The following AIFM3 variants were observed in gnomAD, a reference collection of about 807,000 sequenced individuals.
AIFM3 encodes the protein AIF family member 3.
AIFM3 carries 71 observed loss-of-function variants against 82.7 expected under a neutral mutation model. The ratio of observed to expected loss-of-function variants is 0.86; its 90% CI spans 0.71 to 1.05. The LOEUF is 1.05. AIFM3 is among the 50% of genes least tolerant of loss of function. AIFM3 has a pLI of 0.00. For missense variants in AIFM3, 748 were observed against 816.7 expected, an observed-to-expected ratio of 0.92 and a Z score of 1.03; for synonymous variants, 337 against 329.1, an observed-to-expected ratio of 1.02 and a Z score of -0.26.
rs1923402137 is a variant in AIFM3, at chr22:20,973,437, C to T, written c.162C>T (p.Arg54=). Reference sequence around the variant, plus strand: ...CCCGCCACTTCCACACGGAGGAGCGCCTGTCCACCCCTCACCCCTACCCCA... The same window carrying T: ...CCCGCCACTTCCACACGGAGGAGCGTCTGTCCACCCCTCACCCCTACCCCA... The part of the protein sequence containing the change: ...GTARHFHTEE[R]LSTPHPYPSP... The change falls in exon 3 of 21, where the codon CGC becomes CGT. Residue 54 remains arginine, a synonymous_variant. Transcript: ENST00000440238. 1 of 1,613,226 alleles carries T rather than the reference C, an allele frequency of 6.2e-7. No homozygotes were observed. The highest frequency in any genetic ancestry group is 8.5e-7 in the Non-Finnish European group (1 of 1,179,994).
In AIFM3 at chr22:20,973,436, G is replaced by A. The variant is rs771256400; in HGVS notation, c.161G>A (p.Arg54His). The change falls in exon 3 of 21, where the codon CGC (arginine) becomes CAC (histidine). Residue 54 changes from arginine (R) to histidine (H), a missense_variant. Arg to His is a conservative substitution (Grantham distance 29). Transcript: ENST00000440238. ...GCCCGCCACTTCCACACGGAGGAGC[G>A]CCTGTCCACCCCTCACCCCTACCCC... ...GTARHFHTEE[R>H]LSTPHPYPSP... The A allele has an allele frequency of 1.9e-6, 3 of 1,613,160 alleles. No homozygotes were observed. Among genetic ancestry groups the A allele is most frequent in the Middle Eastern group, 1.7e-4 (1 of 5,958 alleles).
intron 14 of AIFM3, chr22:20,977,382 A>G (rs888618483): frequency 3.8e-5 from 23 of 602,654 alleles, no homozygotes; most frequent in Non-Finnish European, 6.5e-5. Flanking sequence ...CTTCTGCTCC[A>G]GCTGAAGTGC....
intron 8 of AIFM3, among the ~76,000 whole-genome samples, chr22:20,975,406 C>T (rs527614777): frequency 2.2e-4 from 33 of 150,540 alleles, no homozygotes; most frequent in Non-Finnish European, 3.8e-4. Context: ...GCTAGGACTA[C>T]AGGCGCGCAC....
chr22:20,973,643 C>T, intron 3 of AIFM3, 115 bp from the exon 4 acceptor site: 2 of 1,396,058 alleles, frequency 1.4e-6, no homozygotes, highest in Non-Finnish European at 1.9e-6. Context: ...CTGGTCACTG[C>T]CTTTGTGGCT....
At chr22:20,974,950 C>T (rs1923540785) in intron 8 of AIFM3, 134 bp downstream of exon 8, 1 of 792,744 alleles carries the variant, frequency 1.3e-6, no homozygotes, top group African/African-American at 1.7e-5. Context: ...CGTGGTACCC[C>T]CAAAAGATCT....
intron 16 of AIFM3, 113 bp from the exon 17 acceptor site, chr22:20,979,158 G>C (rs1328809531): frequency 9.7e-7 from 1 of 1,033,782 alleles, no homozygotes; most frequent in Non-Finnish European, 1.5e-6. Flanking sequence ...TTGACCTCTG[G>C]GGAGACCAGG....
At position 20,974,145 on chromosome 22, in the gene AIFM3, T is replaced by C. The variant is rs1490225453; in HGVS notation, c.438T>C (p.Pro146=). The stretch of plus-strand genomic sequence containing the variant: ...GCACTGGGGACCTGGAGGACTTCCC[T>C]GGCCTGGACAGTCTACACAAGTTCC... ...NISTGDLEDF[P]GLDSLHKFQV... Residue 146 remains proline (P), a synonymous_variant, in exon 5 of 21, where the codon CCT becomes CCC. Coordinates refer to ENST00000440238, the MANE Select transcript of AIFM3 (RefSeq NM_001386814.1). 13 of 1,609,522 alleles carry C rather than the reference T, an allele frequency of 8.1e-6. No individual in the cohort carries two copies. The highest frequency in any genetic ancestry group is 1.0e-5 in the Non-Finnish European group (12 of 1,178,544).
chr22:20,969,089 G>A (rs1315760912), intron 2 of AIFM3, among the ~76,000 whole-genome samples: 1 of 152,152 alleles, frequency 6.6e-6, no homozygotes. Flanking sequence ...GACGTCCATT[G>A]TCTCCCCCTA....
At chr22:20,979,202 C>A in intron 16 of AIFM3, 69 bp from the exon 17 acceptor site, 7 of 1,494,668 alleles carry the variant, frequency 4.7e-6, no homozygotes, top group Non-Finnish European at 6.4e-6. Context: ...GTCCCCAGGG[C>A]ATCAGGAGCA....
intron 2 of AIFM3, among the ~76,000 whole-genome samples, chr22:20,971,005 G>A (rs1021125047): frequency 6.6e-6 from 1 of 152,206 alleles, no homozygotes; most frequent in African/African-American, 2.4e-5. Flanking sequence ...CAGTTTTGTG[G>A]GTGAGCAGAG....
chr22:20,970,637 T>A (rs1923210423), intron 2 of AIFM3, among the ~76,000 whole-genome samples: 3 of 152,314 alleles, frequency 2.0e-5, no homozygotes, highest in African/African-American at 4.8e-5. Flanking sequence ...ATTTTTATAT[T>A]TTTAGTAGAG....
At position 20,977,115 on chromosome 22, in the gene AIFM3, G is replaced by A; in HGVS notation, c.1282+20G>A. The A allele has an allele frequency of 6.2e-7, 1 of 1,613,744 alleles. No homozygotes were observed. Among genetic ancestry groups the A allele is most frequent in the South Asian group, 1.1e-5 (1 of 91,058 alleles). ...GCATTGGTGAGTTGGTGTGTGGGCAGGCAGGCACAAAGCAGCCCAGCCGTC... is the reference window on the plus strand; with the variant it reads ...GCATTGGTGAGTTGGTGTGTGGGCAAGCAGGCACAAAGCAGCCCAGCCGTC... On this transcript the variant is annotated intron_variant, in intron 14 of 20. Transcript: ENST00000440238.
At position 20,979,276 on chromosome 22, in the gene AIFM3, G is replaced by T. The variant is rs1413855578; in HGVS notation, c.1483G>T (p.Val495Leu). The T allele has an allele frequency of 7.1e-6, 11 of 1,555,484 alleles. No homozygotes were observed. Among genetic ancestry groups the T allele is most frequent in the Admixed American group, 3.9e-5 (2 of 51,630 alleles). ...CACGGCCCTGGGTCCCGCAGGGCGC[G>T]TGGCAGCCCAGAACATGTTGGCGCA... is the stretch of plus-strand genomic sequence containing the variant. Reference protein sequence around the residue: ...HWQMAHAQGRVAAQNMLAQEA... With the variant: ...HWQMAHAQGRLAAQNMLAQEA... The change falls in exon 17 of 21, where the codon GTG becomes TTG. Residue 495 changes from valine (V) to leucine (L), a missense_variant. Physicochemically the swap from Val to Leu is conservative, Grantham distance 32. Coordinates refer to ENST00000440238, the MANE Select transcript of AIFM3 (RefSeq NM_001386814.1).
At chr22:20,976,143 G>A in intron 9 of AIFM3, 72 bp from the exon 10 acceptor site, 8 of 1,528,200 alleles carry the variant, frequency 5.2e-6, no homozygotes, top group Non-Finnish European at 7.1e-6. Flanking sequence ...TGGGTGTACT[G>A]CAGGACCGGG....
intron 3 of AIFM3, 106 bp downstream of exon 3, chr22:20,973,626 TG>T: frequency 7.2e-7 from 1 of 1,394,982 alleles, no homozygotes; most frequent in Non-Finnish European, 9.7e-7. Context: ...TATGACCAGC[TG>T]CTGCCCTGGT....
At position 20,976,640 on chromosome 22, in the gene AIFM3, C is replaced by A; in HGVS notation, c.1031-11C>A. 1 of 1,610,938 alleles carries A rather than the reference C, an allele frequency of 6.2e-7. No individual in the cohort carries two copies. On this transcript the variant is annotated splice_polypyrimidine_tract_variant and intron_variant, in intron 11 of 20. Coordinates refer to ENST00000440238, the MANE Select transcript of AIFM3 (RefSeq NM_001386814.1). ...GCAGGTGCCAGCCTGCCACCCCCTGCCCATCACCAGGGATGGAGGTGGCCG... is the reference window on the plus strand; with the variant it reads ...GCAGGTGCCAGCCTGCCACCCCCTGACCATCACCAGGGATGGAGGTGGCCG...
At chr22:20,977,809 G>A (rs374962315) in intron 15 of AIFM3, 33 bp downstream of exon 15, 50 of 1,613,706 alleles carry the variant, frequency 3.1e-5, no homozygotes, top group African/African-American at 1.2e-4. Context: ...GGGAGGACCC[G>A]GTGCTGGGCT....
Position 20,974,283 on chromosome 22 carries a change from G to C in AIFM3, c.497G>C (p.Arg166Pro). Residue 166 changes from arginine to proline, a missense_variant, in exon 6 of 21, where the codon CGG (arginine) becomes CCG (proline). Coordinates refer to ENST00000440238, the MANE Select transcript of AIFM3 (RefSeq NM_001386814.1). ...VKIEKEKVYVRASKQALQLQR... is the reference protein window; with the variant it reads ...VKIEKEKVYVPASKQALQLQR... ...ATTGAGAAGGAGAAGGTGTACGTCC[G>C]GGCCAGCAAGCAGGTGAGGGGATAG... 2 of 1,613,660 alleles carry C rather than the reference G, an allele frequency of 1.2e-6. No individual in the cohort carries two copies. Among genetic ancestry groups the C allele is most frequent in the Non-Finnish European group, 1.7e-6 (2 of 1,179,950 alleles).
At position 20,977,931 on chromosome 22, in the gene AIFM3, C is replaced by T. The variant is rs1289457963; in HGVS notation, c.1403C>T (p.Ala468Val). Residue 468 changes from alanine (A) to valine (V), a missense_variant, in exon 16 of 21, where the codon GCT (alanine) becomes GTT (valine). Ala to Val is a moderately conservative substitution (Grantham distance 64, BLOSUM62 0). Coordinates refer to ENST00000440238, the MANE Select transcript of AIFM3 (RefSeq NM_001386814.1). ...CCAGGCGTGTTTGCAGCTGGCGATG[C>T]TGTCACCTTCCCCCTTGCCTGGAGG... ...NVPGVFAAGD[A>V]VTFPLAWRNN... 6.2e-7 allele frequency: 1 copy of T among 1,614,088 alleles called. No individual in the cohort carries two copies. Among genetic ancestry groups the T allele is most frequent in the Non-Finnish European group, 8.5e-7 (1 of 1,180,032 alleles).
Sources: allele counts gnomAD v4.1 joint callset (sites outside exome capture counted in the v4.1 genomes callset), GRCh38; gene constraint gnomAD v4.1.1; transcripts MANE v1.5; gene names NCBI Gene and HGNC (gene_info 2026-07-23, HGNC 2026-07-21).